MAP4K5: variants seen among roughly 807,000 people sequenced by gnomAD.
The protein encoded by MAP4K5 is mitogen-activated protein kinase kinase kinase kinase 5, also known as MAPK/ERK kinase kinase kinase 5.
In MAP4K5, 82 loss-of-function variants were observed where a neutral mutation model predicts 135.6. The ratio of observed to expected loss-of-function variants is 0.60; its 90% CI spans 0.51 to 0.73. MAP4K5 has a LOEUF of 0.73. Ranked by LOEUF, MAP4K5 falls within the 30% of genes least tolerant of loss-of-function variation. The probability of loss-of-function intolerance (pLI) is 0.00; values close to 1 mark genes in which losing one functional copy is unlikely to be tolerated. For missense variants in MAP4K5, 907 were observed against 1,010.9 expected (o/e 0.90, Z 1.39); for synonymous variants, 347 against 335.0 (o/e 1.04, Z -0.39).
chr14:50,484,236 T>C (rs537006885), intron 5 of MAP4K5, among the ~76,000 whole-genome samples: 1 of 152,346 alleles, frequency 6.6e-6, no homozygotes, highest in African/African-American at 2.4e-5. Context: ...ATTTGTGTAT[T>C]TGTAACATTT....
intron 2 of MAP4K5, among the ~76,000 whole-genome samples, chr14:50,505,381 G>A (rs780404614): frequency 2.0e-4 from 30 of 151,918 alleles, no homozygotes; most frequent in Non-Finnish European, 3.7e-4. Context: ...CCACTGACAG[G>A]ATATATAATT....
At chr14:50,434,733 G>A (rs1392689330) in intron 27 of MAP4K5, among the ~76,000 whole-genome samples, 162 bp from the exon 28 acceptor site, 1 of 152,140 alleles carries the variant, frequency 6.6e-6, no homozygotes, top group African/African-American at 2.4e-5. Flanking sequence ...CTATAAAAAT[G>A]TGTTTTAGAT....
intron 1 of MAP4K5, among the ~76,000 whole-genome samples, chr14:50,550,884 A>T (rs2038693893): frequency 6.6e-6 from 1 of 152,214 alleles, no homozygotes; most frequent in Non-Finnish European, 1.5e-5. Flanking sequence ...AACCGCTGGG[A>T]TACAGAAAAA....
intron 30 of MAP4K5, 111 bp from the exon 31 acceptor site, chr14:50,426,088 AT>A: frequency 1.6e-6 from 1 of 641,728 alleles, no homozygotes; most frequent in Non-Finnish European, 2.7e-6. Flanking sequence ...CTAGTGCAAA[AT>A]TCCACTGTCT....
intron 5 of MAP4K5, among the ~76,000 whole-genome samples, chr14:50,483,661 A>G (rs191982014): frequency 1.1e-4 from 16 of 151,512 alleles, no homozygotes; most frequent in Admixed American, 9.2e-4. Flanking sequence ...TAATAAGAGA[A>G]AGTCAGAATT....
intron 26 of MAP4K5, among the ~76,000 whole-genome samples, chr14:50,435,682 G>A (rs1338018965): frequency 6.6e-6 from 1 of 151,954 alleles, no homozygotes; most frequent in Non-Finnish European, 1.5e-5. Flanking sequence ...ACAAGGTCTA[G>A]GAGGCAACTA....
intron 3 of MAP4K5, among the ~76,000 whole-genome samples, chr14:50,502,565 C>T (rs1276258021): frequency 6.6e-6 from 1 of 151,870 alleles, no homozygotes; most frequent in Non-Finnish European, 1.5e-5. Flanking sequence ...TGCCAAATAT[C>T]CTACATTAAT....
chr14:50,514,463 A>G (rs1435042074), intron 2 of MAP4K5, among the ~76,000 whole-genome samples: 1 of 152,226 alleles, frequency 6.6e-6, no homozygotes, highest in African/African-American at 2.4e-5. Context: ...TGTTAATACT[A>G]GGAATGTAAT....
chr14:50,546,330 A>G (rs773759796), intron 1 of MAP4K5, among the ~76,000 whole-genome samples: 2 of 152,084 alleles, frequency 1.3e-5, no homozygotes, highest in African/African-American at 2.4e-5. Context: ...TTATAATACT[A>G]TCTCATGGCT....
At chr14:50,560,766 G>A (rs1316102642) in intron 1 of MAP4K5, among the ~76,000 whole-genome samples, 1 of 152,218 alleles carries the variant, frequency 6.6e-6, no homozygotes, top group African/African-American at 2.4e-5. Context: ...GCTCTGCAGG[G>A]CGCGGGCTCC....
chr14:50,496,549 C>T (rs898932010), intron 3 of MAP4K5, among the ~76,000 whole-genome samples: 1 of 151,478 alleles, frequency 6.6e-6, no homozygotes, highest in African/African-American at 2.4e-5. Flanking sequence ...CATTCTGTTG[C>T]CCATGGTGCA....
At chr14:50,544,840 A>C (rs2038608256) in intron 1 of MAP4K5, among the ~76,000 whole-genome samples, 1 of 150,912 alleles carries the variant, frequency 6.6e-6, no homozygotes, top group African/African-American at 2.4e-5. Context: ...AGAAGGCTGA[A>C]GCAGGAGGAT....
chr14:50,456,504 C>T lies in MAP4K5; in HGVS notation c.1015+12G>A, dbSNP rs550963861. ...CAAAACCACCAATGGAAAATGTAAA[C>T]CAAACACATACAATTTATTTCTGAA... On this transcript the variant is annotated intron_variant, in intron 14 of 32. Coordinates refer to ENST00000682126, the MANE Select transcript of MAP4K5 (RefSeq NM_006575.6). The T allele has an allele frequency of 3.5e-5, 54 of 1,552,702 alleles. No individual in the cohort carries two copies. The highest frequency in any genetic ancestry group is 4.5e-5 in the Non-Finnish European group (51 of 1,142,728).
chr14:50,488,217 T>C (rs1045449985), intron 3 of MAP4K5, among the ~76,000 whole-genome samples: 1 of 152,062 alleles, frequency 6.6e-6, no homozygotes, highest in South Asian at 2.1e-4. Flanking sequence ...CAGACACTTA[T>C]AAAACCATCA....
intron 19 of MAP4K5, 71 bp downstream of exon 19, chr14:50,443,868 A>G (rs2036282649): frequency 1.4e-6 from 2 of 1,473,278 alleles, no homozygotes; most frequent in Non-Finnish European, 1.9e-6. Context: ...ACTGAATTAA[A>G]CAGACTATGC....
intron 11 of MAP4K5, among the ~76,000 whole-genome samples, chr14:50,464,768 T>C (rs2036794204): frequency 6.6e-6 from 1 of 152,218 alleles, no homozygotes; most frequent in African/African-American, 2.4e-5. Context: ...AATAACCGTA[T>C]TTATCAGCAA....
intron 28 of MAP4K5, among the ~76,000 whole-genome samples, chr14:50,431,499 G>A (rs2035969189): frequency 6.6e-6 from 1 of 151,918 alleles, no homozygotes; most frequent in Non-Finnish European, 1.5e-5. Flanking sequence ...GAGAATATGT[G>A]GTGTTTGGTT....
intron 2 of MAP4K5, among the ~76,000 whole-genome samples, chr14:50,515,016 G>A (rs575768959): frequency 4.6e-5 from 7 of 151,614 alleles, no homozygotes; most frequent in Admixed American, 1.3e-4. Context: ...TAATTCTCTC[G>A]CTTCAGCCTC....
At chr14:50,431,915 T>A (rs2035979619) in intron 28 of MAP4K5, among the ~76,000 whole-genome samples, 1 of 152,212 alleles carries the variant, frequency 6.6e-6, no homozygotes, top group Non-Finnish European at 1.5e-5. Flanking sequence ...GCCTATGCAT[T>A]GTCTCCCTTG....
Sources: gnomAD v4.1 joint callset for allele counts (sites outside exome capture counted in the v4.1 genomes callset) on GRCh38, gnomAD v4.1.1 for gene constraint, MANE v1.5 for transcripts, NCBI Gene and HGNC (gene_info 2026-07-23, HGNC 2026-07-21) for gene names.